Variants in IGLL5 observed in about 807,000 individuals in gnomAD.
IGLL5 encodes immunoglobulin lambda like polypeptide 5.
IGLL5 carries 30 observed loss-of-function variants against 20.9 expected under a neutral mutation model. The observed-to-expected ratio is 1.44, with a 90% CI of 1.07 to 1.95. The LOEUF (loss-of-function observed/expected upper bound fraction) is 1.95. Among genes scored for constraint, IGLL5 ranks in the 30% most tolerant of loss-of-function variants. The pLI is 0.00. For missense variants in IGLL5, 475 were observed against 270.7 expected (o/e 1.75, Z -5.30); for synonymous variants, 203 against 117.3 (o/e 1.73, Z -4.72).
chr22:22,891,956 G>C (rs1169854157), intron 1 of IGLL5, among the ~76,000 whole-genome samples: 4 of 151,072 alleles, frequency 2.6e-5, no homozygotes, highest in African/African-American at 7.3e-5. Context: ...CATTTGCCAA[G>C]AACAATTTTC....
intron 1 of IGLL5, 124 bp downstream of exon 1, chr22:22,888,383 C>A (rs1601600237): frequency 1.0e-5 from 8 of 787,836 alleles, no homozygotes; most frequent in East Asian, 5.4e-5. Flanking sequence ...CCTGGGCTGA[C>A]ACTGGCTTTA....
chr22:22,888,855 A>C (rs559727332), intron 1 of IGLL5, among the ~76,000 whole-genome samples: 5 of 151,358 alleles, frequency 3.3e-5, no homozygotes, highest in East Asian at 2.0e-4. Context: ...TGGAGCAATA[A>C]AGGGAGAGGG....
chr22:22,896,072 A>G lies in IGLL5; in HGVS notation c.*378A>G. 2.6e-6 allele frequency: 1 copy of G among 388,396 alleles called. No homozygotes were observed. Among genetic ancestry groups the G allele is most frequent in the Non-Finnish European group, 4.8e-6 (1 of 210,070 alleles). The allele number at this position is 388,396 out of a possible 1,614,324, so 24.1% of individuals were successfully genotyped here. On this transcript the variant is annotated 3_prime_UTR_variant, in exon 3 of 3. Coordinates refer to ENST00000526893, the MANE Select transcript of IGLL5 (RefSeq NM_001178126.2). The stretch of plus-strand genomic sequence containing the variant: ...TTCAGACCAGTCCCACACCCTCCTA[A>G]ATTTTACTTCTCAATAAATACCTGA...
At chr22:22,894,858 A>C (rs559114927) in intron 2 of IGLL5, among the ~76,000 whole-genome samples, 1 of 151,200 alleles carries the variant, frequency 6.6e-6, no homozygotes, top group Admixed American at 6.6e-5. Flanking sequence ...GCTGGGGCAG[A>C]GCCCGGTGCC....
intron 1 of IGLL5, among the ~76,000 whole-genome samples, chr22:22,891,476 G>A (rs957817250): frequency 2.6e-5 from 4 of 151,004 alleles, no homozygotes; most frequent in South Asian, 2.1e-4. Context: ...GAAAGAACCC[G>A]TCATTGTTAC....
intron 1 of IGLL5, among the ~76,000 whole-genome samples, chr22:22,889,581 T>C (rs2067735639): frequency 6.6e-6 from 1 of 151,142 alleles, no homozygotes; most frequent in Non-Finnish European, 1.5e-5. Context: ...ACAATTGTAT[T>C]TGGGGGACTG....
In IGLL5 at chr22:22,888,155, C is replaced by T. The variant is rs756907249; in HGVS notation, c.102C>T (p.Val34=). ...WPLLLLGLAM[V]AHGLLRPMVA... is the part of the protein sequence containing the mutation. ...TGCTGCTGCTGGGTCTGGCCATGGT[C>T]GCCCATGGCCTGCTGCGCCCAATGG... Residue 34 remains valine (V), a synonymous_variant, in exon 1 of 3, where the codon GTC becomes GTT. Transcript: ENST00000526893. 2.1e-5 allele frequency: 32 copies of T among 1,549,326 alleles called. No homozygotes were observed. The highest frequency in any genetic ancestry group is 1.7e-4 in the Middle Eastern group (1 of 5,856).
At chr22:22,894,723 A>T (rs2066688168) in intron 2 of IGLL5, among the ~76,000 whole-genome samples, 1 of 151,330 alleles carries the variant, frequency 6.6e-6, no homozygotes, top group Middle Eastern at 3.7e-3. Context: ...CAGCCCCAGG[A>T]ACAGCTGAGG....
intron 2 of IGLL5, among the ~76,000 whole-genome samples, 181 bp downstream of exon 2, chr22:22,893,999 A>G (rs2067964327): frequency 4.7e-5 from 7 of 150,182 alleles, no homozygotes; most frequent in Middle Eastern, 7.4e-3. Flanking sequence ...AAGGGCCTCC[A>G]CAGTGGGAGC....
At chr22:22,888,302 A>T (rs762394916) in intron 1 of IGLL5, 43 bp downstream of exon 1, 8 of 1,532,426 alleles carry the variant, frequency 5.2e-6, no homozygotes, top group East Asian at 4.9e-5. Context: ...GTCCTGCAGC[A>T]GAGCTGGGAA....
intron 1 of IGLL5, among the ~76,000 whole-genome samples, chr22:22,891,211 T>G (rs1261733369): frequency 6.6e-6 from 1 of 151,066 alleles, no homozygotes; most frequent in African/African-American, 2.4e-5. Flanking sequence ...TCTGGTACTT[T>G]TGGTGTATTG....
At chr22:22,893,946 T>A (rs543427196) in intron 2 of IGLL5, 128 bp downstream of exon 2, 10 of 741,726 alleles carry the variant, frequency 1.3e-5, no homozygotes, top group Admixed American at 6.0e-5. Flanking sequence ...CCTTTCTCCA[T>A]GGGGCCTGGA....
intron 1 of IGLL5, among the ~76,000 whole-genome samples, chr22:22,893,211 G>T (rs1245279721): frequency 6.6e-6 from 1 of 151,154 alleles, no homozygotes; most frequent in African/African-American, 2.4e-5. Flanking sequence ...CAACTGGATG[G>T]ATGGGTAGAC....
chr22:22,895,879 C>T lies in IGLL5; in HGVS notation c.*185C>T. On this transcript the variant is annotated 3_prime_UTR_variant, in exon 3 of 3. Transcript: ENST00000526893. ...TTTTCTCACATAAATTGCTAGCCTC[C>T]CCGGGGTTCTCAGTGTGGGGTACAG... 1.5e-6 allele frequency: 1 copy of T among 675,860 alleles called. No individual in the cohort carries two copies. Among genetic ancestry groups the T allele is most frequent in the East Asian group, 2.7e-5 (1 of 36,702 alleles). 41.9% of individuals were successfully genotyped at this position (675,860 alleles called of 1,614,324 possible).
At chr22:22,888,906 C>T (rs1288276797) in intron 1 of IGLL5, among the ~76,000 whole-genome samples, 21 of 151,282 alleles carry the variant, frequency 1.4e-4, no homozygotes, top group Admixed American at 3.3e-4. Context: ...TCTCACAGAT[C>T]GAGGGGCACT....
At position 22,895,441 on chromosome 22, in the gene IGLL5, A is replaced by G; in HGVS notation, c.392A>G (p.Lys131Arg). The G allele has an allele frequency of 1.9e-6, 3 of 1,612,904 alleles. No individual in the cohort carries two copies. The highest frequency in any genetic ancestry group is 2.5e-6 in the Non-Finnish European group (3 of 1,179,538). ...TCCTCTGAGGAGCTCCAAGCCAACA[A>G]GGCCACACTAGTGTGTCTGATCAGT... ...PPSSEELQAN[K>R]ATLVCLISDF... Residue 131 changes from lysine (K) to arginine (R), a missense_variant, in exon 3 of 3, where the codon AAG becomes AGG. By Grantham distance (26) the Lys-to-Arg change is conservative. Transcript: ENST00000526893.
At chr22:22,894,668 G>A (rs563383618) in intron 2 of IGLL5, among the ~76,000 whole-genome samples, 2 of 151,344 alleles carry the variant, frequency 1.3e-5, no homozygotes, top group East Asian at 4.1e-4. Flanking sequence ...ATCACAGGCT[G>A]CTGGGGTGGG....
intron 2 of IGLL5, among the ~76,000 whole-genome samples, chr22:22,894,101 C>A: frequency 1.3e-5 from 2 of 151,490 alleles, no homozygotes; most frequent in African/African-American, 4.8e-5. Context: ...GAGTGAGGGA[C>A]AGAGGCTGGT....
rs1443674984 is a variant in IGLL5, at chr22:22,893,706, G to T, written c.213G>T (p.Leu71=). The T allele has an allele frequency of 3.1e-6, 5 of 1,604,450 alleles. No individual in the cohort carries two copies. The highest frequency in any genetic ancestry group is 3.4e-5 in the Admixed American group (2 of 58,740). ...SSLRSLWGRL[L]LQPSPQRADP... is the part of the protein sequence containing the mutation. ...TGCCCGTCATGCCCAGCAGGCTCCT[G>T]CTCCAGCCCAGCCCCCAGAGAGCAG... Residue 71 remains leucine (L), a synonymous_variant, in exon 2 of 3, where the codon CTG becomes CTT. Coordinates refer to ENST00000526893, the MANE Select transcript of IGLL5 (RefSeq NM_001178126.2).
Sources: allele counts gnomAD v4.1 joint callset (sites outside exome capture counted in the v4.1 genomes callset), GRCh38; gene constraint gnomAD v4.1.1; transcripts MANE v1.5; gene names NCBI Gene and HGNC (gene_info 2026-07-23, HGNC 2026-07-21).